ZNF521: variants seen among roughly 807,000 people sequenced by gnomAD.
ZNF521 encodes the protein LYST-interacting protein 3.
Under a neutral mutation model 105.5 loss-of-function variants are expected in ZNF521, and 14 were observed. That is an observed-to-expected ratio of 0.13 (90% CI 0.09 to 0.21). ZNF521 has a LOEUF of 0.21. ZNF521 is among the 10% of genes least tolerant of loss of function. ZNF521 has a pLI of 1.00. For synonymous variants in ZNF521, 635 were observed against 606.0 expected, an observed-to-expected ratio of 1.05 and a Z score of -0.70; for missense variants, 1,233 against 1,629.7, an observed-to-expected ratio of 0.76 and a Z score of 4.19.
At chr18:25,106,038 G>T (rs1381304589) in intron 5 of ZNF521, among the ~76,000 whole-genome samples, 1 of 151,952 alleles carries the variant, frequency 6.6e-6, no homozygotes, top group East Asian at 1.9e-4. Context: ...TGTTGTTTCT[G>T]AATTTATCAA....
chr18:25,071,601 A>C (rs908751450), intron 7 of ZNF521, among the ~76,000 whole-genome samples: 2 of 152,190 alleles, frequency 1.3e-5, no homozygotes, highest in Non-Finnish European at 2.9e-5. Context: ...GTAATACTGC[A>C]GAGAAAGAAA....
chr18:25,163,268 A>C (rs2035281128), intron 5 of ZNF521, among the ~76,000 whole-genome samples: 4 of 152,226 alleles, frequency 2.6e-5, no homozygotes, highest in Admixed American at 2.0e-4. Context: ...GTGCAATGCA[A>C]GTATGGCCTG....
chr18:25,303,271 C>T (rs918530621), intron 3 of ZNF521, among the ~76,000 whole-genome samples: 1 of 132,612 alleles, frequency 7.5e-6, no homozygotes, highest in African/African-American at 3.1e-5. Context: ...TTCTTTCTTT[C>T]GTGTGTGTGT....
At chr18:25,290,708 T>A (rs1910967552) in intron 3 of ZNF521, among the ~76,000 whole-genome samples, 1 of 150,966 alleles carries the variant, frequency 6.6e-6, no homozygotes, top group Admixed American at 6.6e-5. Context: ...CCTCCCGGGT[T>A]CAAGCAATTC....
chr18:25,286,205 G>A (rs1269584624), intron 3 of ZNF521, among the ~76,000 whole-genome samples: 2 of 152,196 alleles, frequency 1.3e-5, no homozygotes, highest in African/African-American at 4.8e-5. Flanking sequence ...TGGCACTGAT[G>A]AGAGAGTCGA....
intron 5 of ZNF521, among the ~76,000 whole-genome samples, chr18:25,153,697 G>A (rs1040135176): frequency 6.6e-6 from 1 of 152,166 alleles, no homozygotes; most frequent in African/African-American, 2.4e-5. Context: ...TTTTAAAAAG[G>A]GATTCAGCCT....
intron 3 of ZNF521, among the ~76,000 whole-genome samples, chr18:25,261,383 T>A (rs186500398): frequency 6.6e-6 from 1 of 152,286 alleles, no homozygotes; most frequent in East Asian, 1.9e-4. Flanking sequence ...CCCTGCTCAA[T>A]TTTACAATTT....
Position 25,212,550 on chromosome 18 carries a change from T to TATATATATATACATATATAC in ZNF521, c.3573+11794_3573+11795insGTATATATGTATATATATAT, listed in dbSNP as rs1360630213. On this transcript the variant is annotated intron_variant, in intron 4 of 7. Transcript: ENST00000361524. The stretch of plus-strand genomic sequence containing the variant: ...AAAAAAAAAAAAAAATATATATATA[T>TATATATATATACATATATAC]ATATATATATATATATGTATAGAAA... Among the ~76,000 whole-genome samples the TATATATATATACATATATAC allele has an allele frequency of 4.1e-4, 45 of 109,176 alleles. 1 individual carries two copies. The highest frequency in any genetic ancestry group is 1.7e-3 in the African/African-American group (43 of 25,470). 71.6% of individuals were successfully genotyped at this position (109,176 alleles called of 152,430 possible).
chr18:25,223,601 G>A (rs565703096), intron 4 of ZNF521, among the ~76,000 whole-genome samples: 1 of 151,964 alleles, frequency 6.6e-6, no homozygotes, highest in South Asian at 2.1e-4. Flanking sequence ...ACTAAGAAAT[G>A]ATGACTTATG....
In ZNF521 at chr18:25,306,040, A is replaced by G. The variant is rs796109514; in HGVS notation, c.220+15968T>C. ...AAGGACATACAACCAGCTTTGGGAG[A>G]ACTGAGATTTGCAATTTAGTCAGCC... On this transcript the variant is annotated intron_variant, in intron 3 of 7. Transcript: ENST00000361524. Among the ~76,000 whole-genome samples the G allele has an allele frequency of 3.5e-4, 53 of 152,326 alleles. 2 individuals are homozygous for G. The highest frequency in any genetic ancestry group is 1.2e-3 in the African/African-American group (51 of 41,580).
At chr18:25,305,963 T>C (rs937006806) in intron 3 of ZNF521, among the ~76,000 whole-genome samples, 1 of 152,242 alleles carries the variant, frequency 6.6e-6, no homozygotes, top group African/African-American at 2.4e-5. Flanking sequence ...AGGCAGGCAA[T>C]GTTATCACCT....
intron 3 of ZNF521, among the ~76,000 whole-genome samples, chr18:25,241,101 C>CTTCA (rs1381028368): frequency 2.0e-5 from 3 of 152,048 alleles, no homozygotes; most frequent in African/African-American, 7.2e-5. Context: ...TCCTCTTCTC[C>CTTCA]TTCATACCCC....
Position 25,227,743 on chromosome 18 carries a change from C to A in ZNF521, c.221-46G>T. ...AAATTTCATCTGACATGTTGAGATT[C>A]AAGAGTGAGTTTACCGTAGCATTTC... is the stretch of plus-strand genomic sequence containing the variant. On this transcript the variant is annotated intron_variant, in intron 3 of 7. Coordinates refer to ENST00000361524, the MANE Select transcript of ZNF521 (RefSeq NM_015461.3). The surrounding 1 kb of genome is among the most constrained non-coding windows in gnomAD (Gnocchi z 5.7). The A allele has an allele frequency of 6.6e-7, 1 of 1,524,672 alleles. No homozygotes were observed. The highest frequency in any genetic ancestry group is 8.9e-7 in the Non-Finnish European group (1 of 1,121,008). 94.4% of individuals were successfully genotyped at this position (1,524,672 alleles called of 1,614,324 possible). A position where few individuals can be genotyped will look rare whatever the true frequency, so the allele number is the denominator to read the frequency against.
chr18:25,296,148 T>C (rs1911308930), intron 3 of ZNF521, among the ~76,000 whole-genome samples: 2 of 152,214 alleles, frequency 1.3e-5, no homozygotes, highest in African/African-American at 4.8e-5. Flanking sequence ...CCTTGTTACT[T>C]AGAGTCTATT....
At chr18:25,206,433 G>C (rs892135939) in intron 4 of ZNF521, among the ~76,000 whole-genome samples, 15 of 151,912 alleles carry the variant, frequency 9.9e-5, no homozygotes, top group African/African-American at 3.6e-4. Context: ...TTTAGATGAA[G>C]GCTCCTGTGG....
chr18:25,248,094 T>C (rs1032417630), intron 3 of ZNF521, among the ~76,000 whole-genome samples: 1 of 152,176 alleles, frequency 6.6e-6, no homozygotes, highest in African/African-American at 2.4e-5. Flanking sequence ...CAGGACTCAA[T>C]ACCAATGTTA....
At chr18:25,135,831 T>A (rs1355007249) in intron 5 of ZNF521, among the ~76,000 whole-genome samples, 1 of 152,182 alleles carries the variant, frequency 6.6e-6, no homozygotes, top group Non-Finnish European at 1.5e-5. Context: ...GCTGTATTAT[T>A]TTTGATTTAT....
At chr18:25,071,805 G>C (rs899758382) in intron 7 of ZNF521, among the ~76,000 whole-genome samples, 2 of 152,222 alleles carry the variant, frequency 1.3e-5, no homozygotes, top group Non-Finnish European at 2.9e-5. Flanking sequence ...TATCTGGAGA[G>C]ACAGGGTGCT....
chr18:25,276,454 C>CA (rs1159465908), intron 3 of ZNF521, among the ~76,000 whole-genome samples: 1 of 152,156 alleles, frequency 6.6e-6, no homozygotes. Flanking sequence ...CCTTCCTACA[C>CA]AACAGCAACA....
Sources: allele counts gnomAD v4.1 joint callset (sites outside exome capture counted in the v4.1 genomes callset), GRCh38; gene constraint gnomAD v4.1.1; non-coding constraint Gnocchi (gnomAD v3.1); transcripts MANE v1.5; gene names NCBI Gene and HGNC (gene_info 2026-07-23, HGNC 2026-07-21).